The following LRRC4 variants were observed in gnomAD, a reference collection of about 807,000 sequenced individuals.
LRRC4 encodes the protein leucine-rich repeat-containing protein 4.
In LRRC4, 11 loss-of-function variants were observed where a neutral mutation model predicts 37.9. The observed-to-expected ratio is 0.29, with a 90% CI of 0.18 to 0.48. The LOEUF (loss-of-function observed/expected upper bound fraction) is 0.48, where lower values mean the gene tolerates loss of function less well. Ranked by LOEUF, LRRC4 falls within the 20% of genes least tolerant of loss-of-function variation. The pLI, the probability that LRRC4 is intolerant of heterozygous loss-of-function variation, is 0.99. For missense variants in LRRC4, 717 were observed against 842.1 expected (o/e 0.85, Z 1.84); for synonymous variants, 404 against 346.7 (o/e 1.17, Z -1.84).
At position 128,028,448 on chromosome 7, in the gene LRRC4, C is replaced by A. The variant is rs1010795999; in HGVS notation, c.*231G>T. On this transcript the variant is annotated 3_prime_UTR_variant, in exon 2 of 2. Coordinates refer to ENST00000249363, the MANE Select transcript of LRRC4 (RefSeq NM_022143.5). The stretch of plus-strand genomic sequence containing the variant: ...GCAAGTTAACTTGTGGCTTGTACCC[C>A]ACAACGTTCCCAAGATTCCCCCCCA... 3.5e-5 allele frequency: 16 copies of A among 456,432 alleles called. No homozygotes were observed. In the South Asian group the frequency reaches 5.5e-4, roughly 16 times the overall value. The allele number at this position is 456,432 out of a possible 1,614,324, so 28.3% of individuals were successfully genotyped here. A position where few individuals can be genotyped will look rare whatever the true frequency, so the allele number is the denominator to read the frequency against.
chr7:128,028,167 A>G lies in LRRC4; in HGVS notation c.*512T>C, dbSNP rs975584150. ...TGCCACTATCATTTTGGCACAGTAC[A>G]AATTCATGGTGCTTTTTTTTTGTAT... On this transcript the variant is annotated 3_prime_UTR_variant, in exon 2 of 2. Transcript: ENST00000249363. The G allele has an allele frequency of 1.3e-5, 2 of 153,012 alleles. No individual in the cohort carries two copies. The highest frequency in any genetic ancestry group is 2.9e-5 in the Non-Finnish European group (2 of 68,370). The allele number at this position is 153,012 out of a possible 1,614,324, so 9.5% of individuals were successfully genotyped here.
chr7:128,028,619 A>G lies in LRRC4; in HGVS notation c.*60T>C. Reference sequence around the variant, plus strand: ...GAAAAAGTCTCTCCCCACTCTGTACAAAAGTTGCTGTCTTTGTGTGCATTC... The same window carrying G: ...GAAAAAGTCTCTCCCCACTCTGTACGAAAGTTGCTGTCTTTGTGTGCATTC... On this transcript the variant is annotated 3_prime_UTR_variant, in exon 2 of 2. Coordinates refer to ENST00000249363, the MANE Select transcript of LRRC4 (RefSeq NM_022143.5). The G allele has an allele frequency of 2.0e-6, 3 of 1,500,182 alleles. No individual in the cohort carries two copies. Among genetic ancestry groups the G allele is most frequent in the Non-Finnish European group, 2.7e-6 (3 of 1,103,632 alleles). The allele number at this position is 1,500,182 out of a possible 1,614,324, so 92.9% of individuals were successfully genotyped here.
At position 128,030,117 on chromosome 7, in the gene LRRC4, C is replaced by T; in HGVS notation, c.524G>A (p.Arg175His). 6.2e-7 allele frequency: 1 copy of T among 1,614,068 alleles called. No homozygotes were observed. The highest frequency in any genetic ancestry group is 8.5e-7 in the Non-Finnish European group (1 of 1,180,034). The change falls in exon 2 of 2, where the codon CGC (arginine) becomes CAC (histidine). Residue 175 changes from arginine (R) to histidine (H), a missense_variant. This residue lies in a region of LRRC4 where 138 missense variants were observed against 261.0 expected (regional missense o/e 0.53). Transcript: ENST00000249363. ...YAFNRVPSLMRLDLGELKKLE... is the reference protein window; with the variant it reads ...YAFNRVPSLMHLDLGELKKLE... Reference sequence around the variant, plus strand: ...CTTCTTGAGCTCCCCCAAGTCCAGGCGCATGAGGGAGGGCACCCGGTTGAA... The same window carrying T: ...CTTCTTGAGCTCCCCCAAGTCCAGGTGCATGAGGGAGGGCACCCGGTTGAA...
At chr7:128,031,771 A>ACCGCCCGTCG (rs1003046458), upstream of LRRC4, 3 of 142,836 alleles carry the variant, frequency 2.1e-5, no homozygotes, top group African/African-American at 7.6e-5. Flanking sequence ...GCGGCGCGCA[A>ACCGCCCGTCG]CCGCCCGTCG....
chr7:128,027,142 T>G lies in LRRC4; in HGVS notation c.*1537A>C, dbSNP rs1455989710. On this transcript the variant is annotated 3_prime_UTR_variant, in exon 2 of 2. Transcript: ENST00000249363. ...CACATTACAATCAGTGTTCTTTTGT[T>G]GGCAATTCCCCTCCCCCACCCATAC... The G allele has an allele frequency of 6.6e-6, 1 of 152,614 alleles. No homozygotes were observed. The highest frequency in any genetic ancestry group is 1.5e-5 in the Non-Finnish European group (1 of 68,044). The allele number at this position is 152,614 out of a possible 1,614,324, so 9.5% of individuals were successfully genotyped here. A position where few individuals can be genotyped will look rare whatever the true frequency, so the allele number is the denominator to read the frequency against.
Position 128,030,662 on chromosome 7 carries a change from A to C in LRRC4, c.-22T>G, listed in dbSNP as rs765415976. ...TCATGGTGTGGCACGTTCATAATTC[A>C]CCATCGCCTGGGATTTTGGCTCGGA... On this transcript the variant is annotated 5_prime_UTR_variant, in exon 2 of 2. Transcript: ENST00000249363. The C allele has an allele frequency of 2.6e-6, 4 of 1,524,814 alleles. No individual in the cohort carries two copies. Among genetic ancestry groups the C allele is most frequent in the Non-Finnish European group, 3.5e-6 (4 of 1,132,720 alleles). 94.5% of individuals were successfully genotyped at this position (1,524,814 alleles called of 1,614,324 possible).
chr7:128,029,102 G>A lies in LRRC4; in HGVS notation c.1539C>T (p.Asp513=), dbSNP rs766036491. 6.8e-6 allele frequency: 11 copies of A among 1,614,042 alleles called. No homozygotes were observed. Among genetic ancestry groups the A allele is most frequent in the South Asian group, 1.1e-5 (1 of 91,076 alleles). Reference sequence around the variant, plus strand: ...CTTCATCCAGGCTGGTCTGCATCTTGTCAGTGGTGTCTGTCGCGGGTACTG... The same window carrying A: ...CTTCATCCAGGCTGGTCTGCATCTTATCAGTGGTGTCTGTCGCGGGTACTG... The part of the protein sequence containing the change: ...QVAVPATDTT[D]KMQTSLDEVM... The change falls in exon 2 of 2, where the codon GAC becomes GAT. Residue 513 remains aspartate, a synonymous_variant. Coordinates refer to ENST00000249363, the MANE Select transcript of LRRC4 (RefSeq NM_022143.5). The surrounding 1 kb of genome is among the most constrained non-coding windows in gnomAD (Gnocchi z 4.2).
Position 128,029,822 on chromosome 7 carries a change from C to T in LRRC4, c.819G>A (p.Leu273=). 6.2e-7 allele frequency: 1 copy of T among 1,613,576 alleles called. No homozygotes were observed. The highest frequency in any genetic ancestry group is 8.5e-7 in the Non-Finnish European group (1 of 1,180,006). The change falls in exon 2 of 2, where the codon TTG becomes TTA. Residue 273 remains leucine, a synonymous_variant. Coordinates refer to ENST00000249363, the MANE Select transcript of LRRC4 (RefSeq NM_022143.5). This position sits in a 1 kb window ranked among gnomAD's most constrained non-coding sequence, Gnocchi z 4.2. ...GCAAAGAAGAGAGGTTATTGTGGGCCAAGTTGAGTTCCACAAGTGAAGCCA... is the reference window on the plus strand; with the variant it reads ...GCAAAGAAGAGAGGTTATTGTGGGCTAAGTTGAGTTCCACAAGTGAAGCCA... ...DGLASLVELN[L]AHNNLSSLPH... is the part of the protein sequence containing the mutation.
At position 128,029,497 on chromosome 7, in the gene LRRC4, C is replaced by T. The variant is rs1404860761; in HGVS notation, c.1144G>A (p.Val382Met). 4 of 1,613,958 alleles carry T rather than the reference C, an allele frequency of 2.5e-6. No homozygotes were observed. The African/African-American group carries it at 5.3e-5, about 22-fold the overall frequency. The change falls in exon 2 of 2, where the codon GTG (valine) becomes ATG (methionine). Residue 382 changes from valine (V) to methionine (M), a missense_variant. Around this residue, in one of 5 missense-constraint regions of LRRC4, gnomAD observed 293 missense variants for 268.3 expected, o/e 1.09. Coordinates refer to ENST00000249363, the MANE Select transcript of LRRC4 (RefSeq NM_022143.5). The surrounding 1 kb of genome is among the most constrained non-coding windows in gnomAD (Gnocchi z 4.2). The part of the protein sequence containing the change: ...LKCRTPPMSS[V>M]KWLLPNGTVL... Reference sequence around the variant, plus strand: ...GTCCCATTGGGCAGCAACCACTTCACGGAGGACATAGGGGGAGTCCGACAC... The same window carrying T: ...GTCCCATTGGGCAGCAACCACTTCATGGAGGACATAGGGGGAGTCCGACAC...
chr7:128,028,957 C>T lies in LRRC4; in HGVS notation c.1684G>A (p.Ala562Thr). ...TGGATTATCTCAACAGTCCGGGCGG[C>T]TGTGACTGTACTCCGCTGCTGGTGC... ...KRHQQRSTVT[A>T]ARTVEIIQVD... The change falls in exon 2 of 2, where the codon GCC becomes ACC. Residue 562 changes from alanine (A) to threonine (T), a missense_variant. Physicochemically the swap from Ala to Thr is moderately conservative, Grantham distance 58. Coordinates refer to ENST00000249363, the MANE Select transcript of LRRC4 (RefSeq NM_022143.5). 6.2e-7 allele frequency: 1 copy of T among 1,608,668 alleles called. No individual in the cohort carries two copies. The highest frequency in any genetic ancestry group is 8.5e-7 in the Non-Finnish European group (1 of 1,176,966).
upstream of LRRC4, chr7:128,031,440 G>A (rs1380653221): frequency 1.3e-5 from 2 of 151,726 alleles, no homozygotes; most frequent in Non-Finnish European, 2.9e-5. Context: ...TTGCGGTCGT[G>A]AGCTCGCGGA....
At position 128,028,519 on chromosome 7, in the gene LRRC4, A is replaced by G; in HGVS notation, c.*160T>C. 1.6e-6 allele frequency: 1 copy of G among 643,254 alleles called. No individual in the cohort carries two copies. The allele number at this position is 643,254 out of a possible 1,614,324, so 39.8% of individuals were successfully genotyped here. A position where few individuals can be genotyped will look rare whatever the true frequency, so the allele number is the denominator to read the frequency against. On this transcript the variant is annotated 3_prime_UTR_variant, in exon 2 of 2. Transcript: ENST00000249363. ...CAAGTTAGAAAATATTTTTGTTTTGACTTTTTGTCTTTAAATTTTAATATA... is the reference window on the plus strand; with the variant it reads ...CAAGTTAGAAAATATTTTTGTTTTGGCTTTTTGTCTTTAAATTTTAATATA...
At chr7:128,031,615 A>G (rs1200723810), upstream of LRRC4, 8 of 148,456 alleles carry the variant, frequency 5.4e-5, no homozygotes, top group East Asian at 1.4e-3. Context: ...CCGGCCCCCG[A>G]GGACCAGCGG....
At position 128,030,367 on chromosome 7, in the gene LRRC4, C is replaced by T. The variant is rs1442959704; in HGVS notation, c.274G>A (p.Ala92Thr). The change falls in exon 2 of 2, where the codon GCC becomes ACC. Residue 92 changes from alanine to threonine, a missense_variant. Coordinates refer to ENST00000249363, the MANE Select transcript of LRRC4 (RefSeq NM_022143.5). ...LMENNIQMIQADTFRHLHHLE... is the reference protein window; with the variant it reads ...LMENNIQMIQTDTFRHLHHLE... The stretch of plus-strand genomic sequence containing the variant: ...TGGTGGAGGTGGCGGAAGGTGTCGG[C>T]CTGGATCATCTGGATGTTGTTCTCC... 3.7e-6 allele frequency: 6 copies of T among 1,613,850 alleles called. No individual in the cohort carries two copies. Among genetic ancestry groups the T allele is most frequent in the Non-Finnish European group, 5.1e-6 (6 of 1,180,032 alleles).
Position 128,029,788 on chromosome 7 carries a change from G to C in LRRC4, c.853C>G (p.Leu285Val), listed in dbSNP as rs374047267. 8.7e-6 allele frequency: 14 copies of C among 1,613,998 alleles called. No homozygotes were observed. Among genetic ancestry groups the C allele is most frequent in the Non-Finnish European group, 1.2e-5 (14 of 1,180,044 alleles). ...HNNLSSLPHD[L>V]FTPLRYLVEL... The stretch of plus-strand genomic sequence containing the variant: ...ACCAGGTACCTCAGCGGGGTAAAGA[G>C]GTCATGGGGCAAAGAAGAGAGGTTA... Residue 285 changes from leucine (L) to valine (V), a missense_variant, in exon 2 of 2, where the codon CTC becomes GTC. This residue lies in a region of LRRC4 where 138 missense variants were observed against 261.0 expected (regional missense o/e 0.53). Coordinates refer to ENST00000249363, the MANE Select transcript of LRRC4 (RefSeq NM_022143.5). This position sits in a 1 kb window ranked among gnomAD's most constrained non-coding sequence, Gnocchi z 4.2.
Position 128,029,807 on chromosome 7 carries a change from G to T in LRRC4, c.834C>A (p.Leu278=), listed in dbSNP as rs779966574. The change falls in exon 2 of 2, where the codon CTC becomes CTA. Residue 278 remains leucine, a synonymous_variant. Coordinates refer to ENST00000249363, the MANE Select transcript of LRRC4 (RefSeq NM_022143.5). The surrounding 1 kb of genome is among the most constrained non-coding windows in gnomAD (Gnocchi z 4.2). ...TAAAGAGGTCATGGGGCAAAGAAGA[G>T]AGGTTATTGTGGGCCAAGTTGAGTT... The part of the protein sequence containing the change: ...LVELNLAHNN[L]SSLPHDLFTP... 5 of 1,613,834 alleles carry T rather than the reference G, an allele frequency of 3.1e-6. No homozygotes were observed. The highest frequency in any genetic ancestry group is 1.7e-6 in the Non-Finnish European group (2 of 1,180,038).
Position 128,028,505 on chromosome 7 carries a change from A to G in LRRC4, c.*174T>C. On this transcript the variant is annotated 3_prime_UTR_variant, in exon 2 of 2. Transcript: ENST00000249363. Reference sequence around the variant, plus strand: ...TTAAATAGAACTTACAAGTTAGAAAATATTTTTGTTTTGACTTTTTGTCTT... The same window carrying G: ...TTAAATAGAACTTACAAGTTAGAAAGTATTTTTGTTTTGACTTTTTGTCTT... The G allele has an allele frequency of 3.1e-6, 2 of 647,278 alleles. No individual in the cohort carries two copies. Among genetic ancestry groups the G allele is most frequent in the Non-Finnish European group, 2.5e-6 (1 of 402,948 alleles). The allele number at this position is 647,278 out of a possible 1,614,324, so 40.1% of individuals were successfully genotyped here. A position where few individuals can be genotyped will look rare whatever the true frequency, so the allele number is the denominator to read the frequency against.
rs1416147591 is a variant in LRRC4, at chr7:128,029,204, C to T, written c.1437G>A (p.Thr479=). ...TTRKYKPVPT[T]STGYQPAYTT... ...TATATGCCGGCTGGTAACCAGTGGA[C>T]GTGGTAGGAACAGGCTTGTACTTTC... The change falls in exon 2 of 2, where the codon ACG becomes ACA. Residue 479 remains threonine (T), a synonymous_variant. Transcript: ENST00000249363. This position sits in a 1 kb window ranked among gnomAD's most constrained non-coding sequence, Gnocchi z 4.2. 7.4e-6 allele frequency: 12 copies of T among 1,613,876 alleles called. No individual in the cohort carries two copies. Among genetic ancestry groups the T allele is most frequent in the East Asian group, 2.2e-5 (1 of 44,892 alleles).
Position 128,029,144 on chromosome 7 carries a change from A to C in LRRC4, c.1497T>G (p.Arg499=). 6.2e-7 allele frequency: 1 copy of C among 1,613,994 alleles called. No homozygotes were observed. The highest frequency in any genetic ancestry group is 8.5e-7 in the Non-Finnish European group (1 of 1,180,006). The change falls in exon 2 of 2, where the codon CGT becomes CGG. Residue 499 remains arginine (R), a synonymous_variant. Coordinates refer to ENST00000249363, the MANE Select transcript of LRRC4 (RefSeq NM_022143.5). This position sits in a 1 kb window ranked among gnomAD's most constrained non-coding sequence, Gnocchi z 4.2. ...CGGGTACTGCCACCTGCTTGGGCAC[A>C]CGGGTAGTCTGAATGAGCACCGTGG... The part of the protein sequence containing the change: ...TSTTVLIQTT[R]VPKQVAVPAT...
Sources: gnomAD v4.1 joint callset for allele counts on GRCh38, gnomAD v4.1.1 for gene constraint, gnomAD v4.1.1 regional missense constraint, Gnocchi (gnomAD v3.1) non-coding constraint, MANE v1.5 for transcripts, NCBI Gene and HGNC (gene_info 2026-07-23, HGNC 2026-07-21) for gene names.